SEMA6D: variants seen among roughly 807,000 people sequenced by gnomAD.
The protein encoded by SEMA6D is semaphorin 6D, also known as semaphorin-6D.
SEMA6D carries 35 observed loss-of-function variants against 106.6 expected under a neutral mutation model. The ratio of observed to expected loss-of-function variants is 0.33; its 90% CI spans 0.25 to 0.44. The LOEUF (loss-of-function observed/expected upper bound fraction) is 0.44, where lower values mean the gene tolerates loss of function less well. Ranked by LOEUF, SEMA6D falls within the 20% of genes least tolerant of loss-of-function variation. The pLI is 1.00. For missense variants in SEMA6D, 1,185 were observed against 1,345.9 expected (o/e 0.88, Z 1.87); for synonymous variants, 499 against 487.7 (o/e 1.02, Z -0.31).
intron 4 of SEMA6D, among the ~76,000 whole-genome samples, chr15:47,686,490 A>T (rs2078471894): frequency 6.6e-6 from 1 of 152,232 alleles, no homozygotes; most frequent in Admixed American, 6.5e-5. Context: ...GATTTAGAAA[A>T]TTCTCCATCA....
intron 4 of SEMA6D, among the ~76,000 whole-genome samples, chr15:47,627,545 A>G (rs2077224255): frequency 6.6e-6 from 1 of 152,180 alleles, no homozygotes; most frequent in Non-Finnish European, 1.5e-5. Flanking sequence ...ATGCTATAGT[A>G]CGTGAAAAGC....
At chr15:47,400,977 G>A (rs961902330) in intron 1 of SEMA6D, among the ~76,000 whole-genome samples, 3 of 152,298 alleles carry the variant, frequency 2.0e-5, no homozygotes, top group African/African-American at 2.4e-5. Context: ...GAATCCCACT[G>A]CTGTCAATTA....
intron 1 of SEMA6D, among the ~76,000 whole-genome samples, chr15:47,258,902 T>C (rs1415312767): frequency 6.6e-6 from 1 of 152,168 alleles, no homozygotes; most frequent in Non-Finnish European, 1.5e-5. Flanking sequence ...ATTCTTCCTC[T>C]GTTTTTCTTT....
intron 1 of SEMA6D, among the ~76,000 whole-genome samples, chr15:47,389,194 G>A (rs4632075): frequency 0.082 from 12,454 of 152,024 alleles, 1,059 homozygotes; most frequent in African/African-American, 0.21. Flanking sequence ...AATAGTATTC[G>A]TCTCTACTTT....
intron 1 of SEMA6D, among the ~76,000 whole-genome samples, chr15:47,240,572 C>T (rs999141401): frequency 3.3e-5 from 5 of 152,030 alleles, no homozygotes; most frequent in East Asian, 1.9e-4. Context: ...GTACATCGTG[C>T]ATTGGGATCT....
chr15:47,287,789 C>A (rs1471725685), intron 1 of SEMA6D, among the ~76,000 whole-genome samples: 4 of 152,126 alleles, frequency 2.6e-5, no homozygotes, highest in Non-Finnish European at 1.5e-5. Flanking sequence ...ATTGGTTAGG[C>A]CATTCTTGCA....
intron 1 of SEMA6D, among the ~76,000 whole-genome samples, chr15:47,251,169 ATT>A (rs2033492231): frequency 6.6e-6 from 1 of 152,160 alleles, no homozygotes; most frequent in African/African-American, 2.4e-5. Context: ...TGAAAAACAG[ATT>A]TCTGTAAGAT....
chr15:47,540,829 T>A (rs1566871262), intron 3 of SEMA6D, among the ~76,000 whole-genome samples: 1 of 152,086 alleles, frequency 6.6e-6, no homozygotes, highest in Non-Finnish European at 1.5e-5. Context: ...GTGTCCCAGG[T>A]GGCCAAGAGT....
chr15:47,259,727 A>G (rs559289400), intron 1 of SEMA6D, among the ~76,000 whole-genome samples: 1 of 152,296 alleles, frequency 6.6e-6, no homozygotes, highest in South Asian at 2.1e-4. Flanking sequence ...TTTTACCCAA[A>G]TTTGGGAAGT....
At chr15:47,266,169 T>A (rs1042584024) in intron 1 of SEMA6D, among the ~76,000 whole-genome samples, 1 of 152,150 alleles carries the variant, frequency 6.6e-6, no homozygotes, top group African/African-American at 2.4e-5. Context: ...CAGTTTTGCC[T>A]ATCTCTCCAA....
At chr15:47,534,814 T>G (rs2045100851) in intron 3 of SEMA6D, among the ~76,000 whole-genome samples, 1 of 152,008 alleles carries the variant, frequency 6.6e-6, no homozygotes, top group Non-Finnish European at 1.5e-5. Flanking sequence ...TAATACTGTT[T>G]CTAACACAGC....
At chr15:47,623,187 C>T (rs2077140108) in intron 4 of SEMA6D, among the ~76,000 whole-genome samples, 1 of 152,144 alleles carries the variant, frequency 6.6e-6, no homozygotes, top group Non-Finnish European at 1.5e-5. Context: ...GTCCATGAGC[C>T]CCTCACCATG....
intron 1 of SEMA6D, among the ~76,000 whole-genome samples, chr15:47,187,264 AAG>A (rs1893643171): frequency 6.6e-6 from 1 of 152,204 alleles, no homozygotes; most frequent in African/African-American, 2.4e-5. Flanking sequence ...CTGAGAAAAA[AAG>A]AATTTTCAAA....
intron 3 of SEMA6D, among the ~76,000 whole-genome samples, chr15:47,546,295 G>A (rs2045520223): frequency 6.6e-6 from 1 of 152,056 alleles, no homozygotes; most frequent in African/African-American, 2.4e-5. Flanking sequence ...TATCCTTTGG[G>A]AATCCAAGAC....
At chr15:47,519,607 T>G (rs1416169700) in intron 3 of SEMA6D, among the ~76,000 whole-genome samples, 1 of 152,194 alleles carries the variant, frequency 6.6e-6, no homozygotes, top group Non-Finnish European at 1.5e-5. Context: ...AAGTGCCATT[T>G]ACAAAACTCA....
At chr15:47,393,746 A>G (rs1438498509) in intron 1 of SEMA6D, among the ~76,000 whole-genome samples, 2 of 152,200 alleles carry the variant, frequency 1.3e-5, no homozygotes, top group East Asian at 1.9e-4. Flanking sequence ...GGAAAAGGCT[A>G]TCTTAACTCT....
chr15:47,305,305 G>A (rs922318015), intron 1 of SEMA6D, among the ~76,000 whole-genome samples: 1 of 152,170 alleles, frequency 6.6e-6, no homozygotes, highest in Admixed American at 6.5e-5. Flanking sequence ...TCATGTTACT[G>A]AGTGTGGCCC....
At chr15:47,630,309 T>A (rs1238746939) in intron 4 of SEMA6D, among the ~76,000 whole-genome samples, 1 of 151,884 alleles carries the variant, frequency 6.6e-6, no homozygotes, top group Non-Finnish European at 1.5e-5. Flanking sequence ...TTCTTTCTAA[T>A]TTTTGGCATA....
At chr15:47,462,823 G>T (rs1043230568) in intron 2 of SEMA6D, among the ~76,000 whole-genome samples, 2 of 152,042 alleles carry the variant, frequency 1.3e-5, no homozygotes, top group African/African-American at 2.4e-5. Flanking sequence ...TTCACCTTGG[G>T]TGAGGGGAGA....
Sources: allele counts gnomAD v4.1 joint callset (sites outside exome capture counted in the v4.1 genomes callset), GRCh38; gene constraint gnomAD v4.1.1; transcripts MANE v1.5; gene names NCBI Gene and HGNC (gene_info 2026-07-23, HGNC 2026-07-21).